The following CUX2 variants were observed in gnomAD, a reference collection of about 807,000 sequenced individuals.
CUX2 encodes the protein cut like homeobox 2, also known as homeobox protein cut-like 2.
A neutral mutation model predicts 144.8 loss-of-function variants in CUX2; 40 were observed. The observed-to-expected ratio is 0.28, with a 90% CI of 0.21 to 0.36. The LOEUF (loss-of-function observed/expected upper bound fraction) is 0.36, where lower values mean the gene tolerates loss of function less well. Ranked by LOEUF, CUX2 falls within the 10% of genes least tolerant of loss-of-function variation. CUX2 has a pLI of 1.00. For synonymous variants in CUX2, 827 were observed against 875.6 expected (o/e 0.94, Z 0.98); for missense variants, 1,615 against 1,994.0 (o/e 0.81, Z 3.62).
chr12:111,325,249 C>G (rs1239429414), intron 18 of CUX2, among the ~76,000 whole-genome samples: 1 of 151,574 alleles, frequency 6.6e-6, no homozygotes, highest in African/African-American at 2.4e-5. Flanking sequence ...AGCCGAGATC[C>G]TGTCACTGCA....
At chr12:111,308,795 G>A (rs117509236) in intron 14 of CUX2, among the ~76,000 whole-genome samples, 3,028 of 152,258 alleles carry the variant, frequency 0.02, 42 homozygotes, top group Non-Finnish European at 0.031. Flanking sequence ...GAGCTGCAGC[G>A]GCTTTCATGA....
At chr12:111,126,184 C>A (rs1592920090) in intron 1 of CUX2, among the ~76,000 whole-genome samples, 1 of 151,640 alleles carries the variant, frequency 6.6e-6, no homozygotes, top group Non-Finnish European at 1.5e-5. Context: ...TCTTGGCTCA[C>A]TGCAACCTCT....
rs1237696660 is a variant in CUX2 at position 111,160,567 on chromosome 12, C to T, written c.64-53633C>T. Among the ~76,000 whole-genome samples, 1 of 152,120 alleles carries T rather than the reference C, an allele frequency of 6.6e-6. No individual in the cohort carries two copies. The highest frequency in any genetic ancestry group is 1.5e-5 in the Non-Finnish European group (1 of 68,018). On this transcript the variant is annotated intron_variant, in intron 1 of 21. Coordinates refer to ENST00000261726, the MANE Select transcript of CUX2 (RefSeq NM_015267.4). The surrounding 1 kb of genome is among the most constrained non-coding windows in gnomAD (Gnocchi z 4.1). ...GGGGGCGCGAGATGCGAGCAGGGAG[C>T]AGGGTGGCACTTGGCTGTGGAGGTC...
Position 111,347,618 on chromosome 12 carries a change from T to TTCCCC in CUX2, c.3754_3755insTCCCC (p.Ser1252PhefsTer23). On this transcript the variant is annotated frameshift_variant, in exon 22 of 22. Transcript: ENST00000261726. LOFTEE classifies it low-confidence loss of function (END_TRUNC). ...TCCTGGAATCCTACCGCCAGGCCACTCCCACCCAGACCCCACCCCGCAGAG... is the reference window on the plus strand; with the variant it reads ...TCCTGGAATCCTACCGCCAGGCCACTTCCCCCCCACCCAGACCCCACCCCGCAGAG... The TTCCCC allele has an allele frequency of 9.2e-6, 14 of 1,517,690 alleles. No individual in the cohort carries two copies. The highest frequency in any genetic ancestry group is 1.3e-5 in the Non-Finnish European group (14 of 1,094,610). The allele number at this position is 1,517,690 out of a possible 1,614,324, so 94.0% of individuals were successfully genotyped here. A position where few individuals can be genotyped will look rare whatever the true frequency, so the allele number is the denominator to read the frequency against.
At chr12:111,316,783 GTAGT>G (rs996168031) in intron 16 of CUX2, among the ~76,000 whole-genome samples, 7 of 152,156 alleles carry the variant, frequency 4.6e-5, no homozygotes, top group South Asian at 2.1e-4. Flanking sequence ...CAATTCAGTA[GTAGT>G]TAGTATAGTC....
At position 111,078,648 on chromosome 12, in the gene CUX2, C is replaced by T. The variant is rs142191635; in HGVS notation, c.63+44408C>T. 3.6e-3 allele frequency among the ~76,000 whole-genome samples: 553 copies of T among 152,130 alleles called. 2 individuals are homozygous for T. Among genetic ancestry groups the T allele is most frequent in the Middle Eastern group, 0.031 (9 of 294 alleles). On this transcript the variant is annotated intron_variant, in intron 1 of 21. Coordinates refer to ENST00000261726, the MANE Select transcript of CUX2 (RefSeq NM_015267.4). The stretch of plus-strand genomic sequence containing the variant: ...TCGTGCCACTACACTCCAGCCTGGG[C>T]GACCGAGAAAGATCCTGTCTCTAAA...
chr12:111,230,212 G>A (rs1243903429), intron 3 of CUX2, among the ~76,000 whole-genome samples: 21 of 124,038 alleles, frequency 1.7e-4, no homozygotes, highest in African/African-American at 6.0e-5. Context: ...GGGAGGGGAG[G>A]AACGGGGAGG....
intron 21 of CUX2, among the ~76,000 whole-genome samples, chr12:111,346,432 C>T (rs534961843): frequency 2.2e-4 from 33 of 150,410 alleles, no homozygotes; most frequent in South Asian, 1.1e-3. Flanking sequence ...GCCGCGATTG[C>T]GCCACTGCAC....
chr12:111,042,698 C>G (rs964942729), intron 1 of CUX2, among the ~76,000 whole-genome samples: 4 of 152,132 alleles, frequency 2.6e-5, no homozygotes, highest in Admixed American at 2.0e-4. Flanking sequence ...ACGGTGCCAT[C>G]AGGGCTCACT....
intron 3 of CUX2, among the ~76,000 whole-genome samples, chr12:111,232,212 AAT>A (rs10534011): frequency 0.32 from 46,940 of 148,518 alleles, 8,795 homozygotes; most frequent in East Asian, 0.6. Context: ...CTGAAAAAAA[AAT>A]ATATATATAT....
chr12:111,314,309 G>A (rs1464862161), intron 16 of CUX2, among the ~76,000 whole-genome samples: 8 of 137,542 alleles, frequency 5.8e-5, no homozygotes, highest in African/African-American at 1.6e-4. Flanking sequence ...TCCTGACCTC[G>A]TGATCCACCT....
intron 3 of CUX2, among the ~76,000 whole-genome samples, chr12:111,219,232 T>C (rs1216822572): frequency 6.6e-6 from 1 of 152,216 alleles, no homozygotes; most frequent in Non-Finnish European, 1.5e-5. Flanking sequence ...TTTCATTTTA[T>C]TACCTAGTTG....
chr12:111,163,300 A>G (rs1877903930), intron 1 of CUX2, among the ~76,000 whole-genome samples: 1 of 152,240 alleles, frequency 6.6e-6, no homozygotes. Flanking sequence ...GCAAATGGCC[A>G]GACAGTAAAT....
chr12:111,241,520 A>T (rs905844540), intron 3 of CUX2, among the ~76,000 whole-genome samples: 26 of 152,276 alleles, frequency 1.7e-4, no homozygotes, highest in Middle Eastern at 6.8e-3. Context: ...ATTCTTCCAC[A>T]TGCTTTTCCT....
intron 1 of CUX2, among the ~76,000 whole-genome samples, chr12:111,062,005 G>A (rs1870798058): frequency 1.3e-5 from 2 of 152,192 alleles, no homozygotes; most frequent in Admixed American, 1.3e-4. Flanking sequence ...AGGGAGTGTC[G>A]GCAGGGTTAG....
intron 1 of CUX2, among the ~76,000 whole-genome samples, chr12:111,150,536 G>A (rs1169841732): frequency 1.3e-5 from 2 of 152,172 alleles, no homozygotes; most frequent in African/African-American, 4.8e-5. Context: ...CTTTTGGAGT[G>A]GGGGAAACAC....
chr12:111,226,895 T>A (rs965784308), intron 3 of CUX2, among the ~76,000 whole-genome samples: 6 of 152,238 alleles, frequency 3.9e-5, no homozygotes, highest in Non-Finnish European at 7.3e-5. Context: ...TACAAGGCTT[T>A]TAATGGACTG....
intron 20 of CUX2, 133 bp downstream of exon 20, chr12:111,338,607 G>A: frequency 1.3e-6 from 1 of 749,134 alleles, no homozygotes; most frequent in Non-Finnish European, 2.1e-6. Context: ...GCATGAAATA[G>A]CAACCTTGAA....
In CUX2 at chr12:111,312,125, G is replaced by A. The variant is rs201990238; in HGVS notation, c.1926G>A (p.Thr642=). The A allele has an allele frequency of 4.5e-5, 73 of 1,611,450 alleles. No individual in the cohort carries two copies. The East Asian group carries it at 8.5e-4, about 19-fold the overall frequency. The part of the protein sequence containing the change: ...QRGSITPRIR[T]PETGSDDAIK... ...GCAGCATCACCCCGAGAATCCGCAC[G>A]CCTGAGACAGGCTCAGACGACGCCA... The change falls in exon 16 of 22, where the codon ACG becomes ACA. Residue 642 remains threonine (T), a synonymous_variant. Transcript: ENST00000261726. This position sits in a 1 kb window ranked among gnomAD's most constrained non-coding sequence, Gnocchi z 4.3.
Sources: allele counts gnomAD v4.1 joint callset (sites outside exome capture counted in the v4.1 genomes callset), GRCh38; gene constraint gnomAD v4.1.1; non-coding constraint Gnocchi (gnomAD v3.1); transcripts MANE v1.5; gene names NCBI Gene and HGNC (gene_info 2026-07-23, HGNC 2026-07-21).